The following GNB1L variants were observed in gnomAD, a reference collection of about 807,000 sequenced individuals.
GNB1L encodes the protein guanine nucleotide-binding protein subunit beta-like protein 1.
GNB1L carries 20 observed loss-of-function variants against 29.1 expected under a neutral mutation model. The ratio of observed to expected loss-of-function variants is 0.69; its 90% confidence interval spans 0.48 to 1.00. The LOEUF (loss-of-function observed/expected upper bound fraction) is 1.00. Among genes scored for constraint, GNB1L ranks in the 50% least tolerant of loss-of-function variants. The probability of loss-of-function intolerance (pLI) is 0.00; values close to 1 mark genes in which losing one functional copy is unlikely to be tolerated. For missense variants in GNB1L, 421 were observed against 464.9 expected (o/e 0.91, Z 0.87); for synonymous variants, 193 against 206.5 (o/e 0.93, Z 0.56).
chr22:19,849,385 T>TG (rs35700921), intron 2 of GNB1L: 113,658 of 758,372 alleles, frequency 0.15, 4,174 homozygotes, highest in East Asian at 0.27. Flanking sequence ...TTTTTTTTTT[T>TG]GGGATGGAGT....
At chr22:19,817,753 G>A (rs1372691422) in intron 4 of GNB1L, among the ~76,000 whole-genome samples, 1 of 152,214 alleles carries the variant, frequency 6.6e-6, no homozygotes, top group Non-Finnish European at 1.5e-5. Context: ...AGCAGCTCAG[G>A]GATTCAGAGG....
chr22:19,838,066 C>A (rs542651762), intron 2 of GNB1L, among the ~76,000 whole-genome samples: 7 of 152,192 alleles, frequency 4.6e-5, no homozygotes, highest in African/African-American at 1.7e-4. Flanking sequence ...TCACAGACGC[C>A]GCACTTGTCA....
At chr22:19,851,243 ACCT>A (rs891426086) in intron 2 of GNB1L, 4 of 1,604,340 alleles carry the variant, frequency 2.5e-6, no homozygotes, top group Non-Finnish European at 8.5e-7. Context: ...ACCTAAGGAC[ACCT>A]CCTGGTCTCC....
intron 2 of GNB1L, among the ~76,000 whole-genome samples, chr22:19,835,319 G>A (rs1323826893): frequency 6.6e-6 from 1 of 150,972 alleles, no homozygotes; most frequent in African/African-American, 2.4e-5. Context: ...AATGCACATG[G>A]AGCACTCATC....
intron 2 of GNB1L, among the ~76,000 whole-genome samples, chr22:19,829,385 T>A (rs913200009): frequency 2.0e-5 from 3 of 152,076 alleles, no homozygotes; most frequent in African/African-American, 7.2e-5. Flanking sequence ...ATGACCACAG[T>A]GCAATTAAAT....
chr22:19,849,027 G>C, intron 2 of GNB1L: 1 of 985,322 alleles, frequency 1.0e-6, no homozygotes. Flanking sequence ...ACCCACAAAA[G>C]GGGGGATGGG....
At position 19,821,233 on chromosome 22, in the gene GNB1L, G is replaced by A; in HGVS notation, c.123C>T (p.Phe41=). The A allele has an allele frequency of 1.2e-6, 2 of 1,609,842 alleles. No homozygotes were observed. The highest frequency in any genetic ancestry group is 1.7e-6 in the Non-Finnish European group (2 of 1,177,818). Residue 41 remains phenylalanine (F), a synonymous_variant, in exon 3 of 8, where the codon TTC becomes TTT. Transcript: ENST00000329517. Reference sequence around the variant, plus strand: ...CTGGGGCCACAGCTACTCACCCTGAGAAGAGGAGCGGGCGCCCCTGAGCCT... The same window carrying A: ...CTGGGGCCACAGCTACTCACCCTGAAAAGAGGAGCGGGCGCCCCTGAGCCT... ...GAQAQGRPLL[F]SGSQSGLVHI... is the part of the protein sequence containing the mutation.
chr22:19,828,508 G>A (rs561721069), intron 2 of GNB1L, among the ~76,000 whole-genome samples: 6 of 152,058 alleles, frequency 3.9e-5, no homozygotes, highest in South Asian at 2.1e-4. Context: ...ATAAAAATTC[G>A]CTGGGCACAG....
intron 2 of GNB1L, among the ~76,000 whole-genome samples, chr22:19,833,717 T>A (rs1403563464): frequency 1.3e-5 from 2 of 152,036 alleles, no homozygotes; most frequent in South Asian, 2.1e-4. Context: ...AATACAAAAA[T>A]TAGCCAGGCA....
intron 5 of GNB1L, among the ~76,000 whole-genome samples, chr22:19,807,191 G>A (rs538706905): frequency 3.9e-4 from 59 of 152,312 alleles, no homozygotes; most frequent in Non-Finnish European, 6.3e-4. Context: ...GGGCAGCTCC[G>A]GGAAACCTGG....
chr22:19,818,702 C>T (rs890970252), intron 4 of GNB1L, among the ~76,000 whole-genome samples: 2 of 152,212 alleles, frequency 1.3e-5, no homozygotes, highest in Admixed American at 1.3e-4. Context: ...CAGGCCTGTC[C>T]TTCTGGAGTT....
rs550660486 is a variant in GNB1L, at chr22:19,796,932, A to C, written c.732+5069T>G. Among the ~76,000 whole-genome samples the C allele has an allele frequency of 7.0e-4, 106 of 152,358 alleles. 1 individual carries two copies. Among genetic ancestry groups the C allele is most frequent in the Non-Finnish European group, 1.2e-3 (85 of 68,036 alleles). ...ATACAAGACTGATCAGGAATAAAGC[A>C]GGGACGGAGCTTTGAATGCGGCAGA... On this transcript the variant is annotated intron_variant, in intron 7 of 7. Transcript: ENST00000329517.
intron 2 of GNB1L, among the ~76,000 whole-genome samples, chr22:19,828,367 T>A (rs989375055): frequency 6.6e-6 from 1 of 152,068 alleles, no homozygotes; most frequent in Admixed American, 6.5e-5. Context: ...AATATAACAG[T>A]TTATTGCCAG....
intron 7 of GNB1L, among the ~76,000 whole-genome samples, chr22:19,790,022 G>A (rs1025933009): frequency 6.6e-5 from 10 of 152,266 alleles, no homozygotes; most frequent in East Asian, 5.8e-4. Context: ...GGAGGAAGGC[G>A]AGGTCCAAGT....
rs567863392 is a variant in GNB1L, at chr22:19,801,936, G to T, written c.732+65C>A. 4 of 1,306,376 alleles carry T rather than the reference G, an allele frequency of 3.1e-6. No individual in the cohort carries two copies. In the African/African-American group the frequency reaches 4.4e-5, roughly 14 times the overall value. The allele number at this position is 1,306,376 out of a possible 1,614,324, so 80.9% of individuals were successfully genotyped here. Reference sequence around the variant, plus strand: ...CAACTCCTCTTCATGCCTAAATATTGTTTCAGCCTATCAGACTGTTAGTGC... The same window carrying T: ...CAACTCCTCTTCATGCCTAAATATTTTTTCAGCCTATCAGACTGTTAGTGC... On this transcript the variant is annotated intron_variant, in intron 7 of 7. Coordinates refer to ENST00000329517, the MANE Select transcript of GNB1L (RefSeq NM_053004.3).
At position 19,787,396 on chromosome 22, in the gene GNB1L, C is replaced by G. The variant is rs1284687140; in HGVS notation, c.*1313G>C. On this transcript the variant is annotated 3_prime_UTR_variant, in exon 8 of 8. Coordinates refer to ENST00000329517, the MANE Select transcript of GNB1L (RefSeq NM_053004.3). ...AGCCCTCCGTTTGGCAGGTCTGTTCCGGGAACTCCCCTGATCCACCCCTGC... is the reference window on the plus strand; with the variant it reads ...AGCCCTCCGTTTGGCAGGTCTGTTCGGGGAACTCCCCTGATCCACCCCTGC... 1.3e-5 allele frequency: 2 copies of G among 152,548 alleles called. No homozygotes were observed. The highest frequency in any genetic ancestry group is 6.5e-5 in the Admixed American group (1 of 15,292). The allele number at this position is 152,548 out of a possible 1,614,324, so 9.4% of individuals were successfully genotyped here. A position where few individuals can be genotyped will look rare whatever the true frequency, so the allele number is the denominator to read the frequency against.
chr22:19,806,863 T>A, intron 5 of GNB1L, 106 bp from the exon 6 acceptor site: 1 of 833,306 alleles, frequency 1.2e-6, no homozygotes. Context: ...TGAGTTTCTG[T>A]CTGCTCCCCT....
intron 7 of GNB1L, among the ~76,000 whole-genome samples, chr22:19,796,669 T>C (rs1002463878): frequency 6.6e-6 from 1 of 151,942 alleles, no homozygotes; most frequent in Non-Finnish European, 1.5e-5. Flanking sequence ...AAAAATGGGG[T>C]CTGCCTGGAA....
chr22:19,809,813 C>G (rs1338326941), intron 5 of GNB1L, among the ~76,000 whole-genome samples: 2 of 152,356 alleles, frequency 1.3e-5, no homozygotes, highest in East Asian at 3.8e-4. Context: ...AAGTCAGAGT[C>G]TCACTCTGTC....
Sources: gnomAD v4.1 joint callset for allele counts (sites outside exome capture counted in the v4.1 genomes callset) on GRCh38, gnomAD v4.1.1 for gene constraint, MANE v1.5 for transcripts, NCBI Gene and HGNC (gene_info 2026-07-23, HGNC 2026-07-21) for gene names.